JCAD: variants seen among roughly 807,000 people sequenced by gnomAD.
JCAD encodes the protein junctional cadherin 5-associated protein.
In JCAD, 40 loss-of-function variants were observed where a neutral mutation model predicts 98.0. That is an observed-to-expected ratio of 0.41 (90% CI 0.32 to 0.53). The LOEUF is 0.53. Among genes scored for constraint, JCAD ranks in the 20% least tolerant of loss-of-function variants. The pLI, the probability that JCAD is intolerant of heterozygous loss-of-function variation, is 0.31. For missense variants in JCAD, 1,705 were observed against 1,738.1 expected (o/e 0.98, Z 0.34); for synonymous variants, 691 against 682.3 (o/e 1.01, Z -0.20).
At chr10:30,043,238 T>G (rs1428355630) in intron 2 of JCAD, among the ~76,000 whole-genome samples, 1 of 152,144 alleles carries the variant, frequency 6.6e-6, no homozygotes. Flanking sequence ...ACAAGTGTCC[T>G]GTATGCTCAA....
Position 30,028,035 on chromosome 10 carries a change from G to A in JCAD, c.2113C>T (p.Leu705Phe), listed in dbSNP as rs1836875471. The stretch of plus-strand genomic sequence containing the variant: ...GGCCCTCCCAGCTTTGCACCAGGGA[G>A]CAGCTGCGAACTTTGGGGCTCCTCG... ...FSEEPQSSQL[L>F]PGAKLGGPSR... The change falls in exon 3 of 4, where the codon CTC becomes TTC. Residue 705 changes from leucine to phenylalanine, a missense_variant. Leu to Phe is a conservative substitution (Grantham distance 22). Transcript: ENST00000375377. 25 of 1,614,264 alleles carry A rather than the reference G, an allele frequency of 1.5e-5. No homozygotes were observed. Among genetic ancestry groups the A allele is most frequent in the Non-Finnish European group, 2.1e-5 (25 of 1,180,040 alleles).
intron 3 of JCAD, among the ~76,000 whole-genome samples, chr10:30,025,198 A>C (rs1836763511): frequency 6.6e-6 from 1 of 151,752 alleles, no homozygotes; most frequent in Non-Finnish European, 1.5e-5. Context: ...GTAAGGACCA[A>C]GTTTTTCTTT....
chr10:30,087,643 T>A (rs796677774), intron 1 of JCAD, among the ~76,000 whole-genome samples: 23 of 152,282 alleles, frequency 1.5e-4, no homozygotes, highest in African/African-American at 5.3e-4. Context: ...GACATGGTAT[T>A]AACAAGCCCA....
chr10:30,027,827 G>C lies in JCAD; in HGVS notation c.2321C>G (p.Ala774Gly). 6.2e-7 allele frequency: 1 copy of C among 1,614,270 alleles called. No homozygotes were observed. The highest frequency in any genetic ancestry group is 1.1e-5 in the South Asian group (1 of 91,088). The part of the protein sequence containing the change: ...FSRTSLSVDQ[A>G]PTPKAGRSQP... Reference sequence around the variant, plus strand: ...ACTTCGGCCTGCTTTTGGCGTCGGTGCCTGGTCCACGGACAAGGAAGTCCT... The same window carrying C: ...ACTTCGGCCTGCTTTTGGCGTCGGTCCCTGGTCCACGGACAAGGAAGTCCT... Residue 774 changes from alanine to glycine, a missense_variant, in exon 3 of 4, where the codon GCA becomes GGA. Transcript: ENST00000375377.
At chr10:30,106,570 G>A (rs752072759) in intron 1 of JCAD, among the ~76,000 whole-genome samples, 8 of 152,166 alleles carry the variant, frequency 5.3e-5, no homozygotes, top group Admixed American at 6.5e-5. Context: ...GCACTATCTC[G>A]GCTTACCGCA....
intron 1 of JCAD, among the ~76,000 whole-genome samples, chr10:30,096,072 C>G (rs944271191): frequency 6.6e-6 from 1 of 152,156 alleles, no homozygotes; most frequent in Non-Finnish European, 1.5e-5. Context: ...AAGGTTCAGT[C>G]CACAGGATCC....
At chr10:30,043,549 C>T (rs957086838) in intron 2 of JCAD, among the ~76,000 whole-genome samples, 1 of 151,786 alleles carries the variant, frequency 6.6e-6, no homozygotes, top group African/African-American at 2.4e-5. Flanking sequence ...TGCATTATCT[C>T]GTGTAGACAG....
chr10:30,083,820 A>C (rs904854435), intron 1 of JCAD, among the ~76,000 whole-genome samples: 1 of 152,128 alleles, frequency 6.6e-6, no homozygotes, highest in Admixed American at 6.6e-5. Context: ...TGAGCCCATG[A>C]GTTGCAGATC....
intron 1 of JCAD, among the ~76,000 whole-genome samples, chr10:30,093,416 A>G (rs1838317292): frequency 6.6e-6 from 1 of 152,242 alleles, no homozygotes; most frequent in African/African-American, 2.4e-5. Context: ...CAGTTTGGAT[A>G]ATTTGAAACT....
rs117965602 is a variant in JCAD, at chr10:30,087,071, G to C, written n.129-17250C>G. On this transcript the variant is annotated intron_variant and non_coding_transcript_variant, in intron 1 of 2. Transcript: ENST00000465712. ...AACCCTTATTCCTGCTAGTGAGATA[G>C]AGTCTTGCTCCAGACTCCTCTCCAC... 9.7e-3 allele frequency among the ~76,000 whole-genome samples: 1,481 copies of C among 152,276 alleles called. 25 individuals carry two copies. Among genetic ancestry groups the C allele is most frequent in the Admixed American group, 0.026 (392 of 15,294 alleles).
Position 30,027,898 on chromosome 10 carries a change from C to T in JCAD, c.2250G>A (p.Leu750=). Reference sequence around the variant, plus strand: ...ATGGGCTGAGGGACCTGTGACCTTTCAGGTTACGGGCACTTGGCCTCTGTT... The same window carrying T: ...ATGGGCTGAGGGACCTGTGACCTTTTAGGTTACGGGCACTTGGCCTCTGTT... The part of the protein sequence containing the change: ...DHKQRPSARN[L]KGHRSLSPSS... The change falls in exon 3 of 4, where the codon CTG becomes CTA. Residue 750 remains leucine, a synonymous_variant. Transcript: ENST00000375377. 6.2e-7 allele frequency: 1 copy of T among 1,614,244 alleles called. No individual in the cohort carries two copies. The highest frequency in any genetic ancestry group is 8.5e-7 in the Non-Finnish European group (1 of 1,180,040).
intron 1 of JCAD, among the ~76,000 whole-genome samples, chr10:30,091,112 G>T (rs112246370): frequency 0.033 from 5,076 of 152,306 alleles, 296 homozygotes; most frequent in African/African-American, 0.11. Flanking sequence ...ACGTTTATGA[G>T]AGGCTTTGCA....
intron 2 of JCAD, among the ~76,000 whole-genome samples, chr10:30,068,965 C>T (rs889874949): frequency 3.3e-5 from 5 of 152,252 alleles, no homozygotes; most frequent in African/African-American, 1.2e-4. Flanking sequence ...CTGGTGCTTA[C>T]CCCAGGCTTT....
intron 1 of JCAD, among the ~76,000 whole-genome samples, chr10:30,056,784 C>T (rs1589698023): frequency 6.6e-6 from 1 of 152,306 alleles, no homozygotes; most frequent in East Asian, 1.9e-4. Flanking sequence ...AACAAGACAT[C>T]TTCAATTCAA....
At chr10:30,081,311 C>A (rs1031325894) in intron 1 of JCAD, among the ~76,000 whole-genome samples, 1 of 152,184 alleles carries the variant, frequency 6.6e-6, no homozygotes, top group African/African-American at 2.4e-5. Flanking sequence ...GGGCAGAAAC[C>A]CAGTTTGAAC....
In JCAD at chr10:30,026,083, C is replaced by A. The variant is rs1331113297; in HGVS notation, c.4045+20G>T. The A allele has an allele frequency of 1.2e-6, 2 of 1,613,854 alleles. No individual in the cohort carries two copies. Among genetic ancestry groups the A allele is most frequent in the Non-Finnish European group, 1.7e-6 (2 of 1,180,040 alleles). ...CTCCAAATGTATACTGAGCACCTGCCTGTCTGCCTGATTCCTCACCTGGGC... is the reference window on the plus strand; with the variant it reads ...CTCCAAATGTATACTGAGCACCTGCATGTCTGCCTGATTCCTCACCTGGGC... On this transcript the variant is annotated intron_variant, in intron 3 of 3. Coordinates refer to ENST00000375377, the MANE Select transcript of JCAD (RefSeq NM_020848.4).
At chr10:30,037,231 C>CT (rs1366435207) in intron 2 of JCAD, among the ~76,000 whole-genome samples, 1 of 152,168 alleles carries the variant, frequency 6.6e-6, no homozygotes, top group Non-Finnish European at 1.5e-5. Context: ...CCTGCAATTT[C>CT]TTTTTTCAGC....
At chr10:30,098,909 G>A (rs1211989098) in intron 1 of JCAD, among the ~76,000 whole-genome samples, 1 of 152,064 alleles carries the variant, frequency 6.6e-6, no homozygotes, top group Non-Finnish European at 1.5e-5. Flanking sequence ...CACATCTGTG[G>A]TTCTTTTCTT....
At chr10:30,108,815 T>C (rs1276189153) in intron 1 of JCAD, among the ~76,000 whole-genome samples, 1 of 151,378 alleles carries the variant, frequency 6.6e-6, no homozygotes, top group East Asian at 1.9e-4. Flanking sequence ...AGAAAATCCC[T>C]GTGAAATATA....
Sources: gnomAD v4.1 joint callset for allele counts (sites outside exome capture counted in the v4.1 genomes callset) on GRCh38, gnomAD v4.1.1 for gene constraint, MANE v1.5 for transcripts, NCBI Gene and HGNC (gene_info 2026-07-23, HGNC 2026-07-21) for gene names.